The following DPP6 variants were observed in gnomAD, a reference collection of about 807,000 sequenced individuals.
DPP6 encodes A-type potassium channel modulatory protein DPP6.
In DPP6, 69 loss-of-function variants were observed where a neutral mutation model predicts 122.6. That is an observed-to-expected ratio of 0.56 (90% confidence interval 0.46 to 0.69). The LOEUF (loss-of-function observed/expected upper bound fraction) is 0.69, where lower values mean the gene tolerates loss of function less well. Ranked by LOEUF, DPP6 falls within the 30% of genes least tolerant of loss-of-function variation. DPP6 has a pLI of 0.00. For synonymous variants in DPP6, 418 were observed against 433.1 expected, an observed-to-expected ratio of 0.97 and a Z score of 0.43; for missense variants, 928 against 1,116.9, an observed-to-expected ratio of 0.83 and a Z score of 2.41.
At chr7:153,930,944 G>T (rs895259432) in intron 1 of DPP6, among the ~76,000 whole-genome samples, 2 of 152,164 alleles carry the variant, frequency 1.3e-5, no homozygotes, top group Non-Finnish European at 2.9e-5. Context: ...GCTTGTTTTA[G>T]AACAATGTGA....
chr7:154,638,036 A>G (rs1835840334), intron 6 of DPP6, among the ~76,000 whole-genome samples, 163 bp downstream of exon 6: 1 of 152,092 alleles, frequency 6.6e-6, no homozygotes, highest in Non-Finnish European at 1.5e-5. Flanking sequence ...CTAGATAATG[A>G]CACTAAGGAT....
At chr7:154,643,958 C>T (rs969182964) in intron 6 of DPP6, among the ~76,000 whole-genome samples, 27 of 152,140 alleles carry the variant, frequency 1.8e-4, no homozygotes, top group Non-Finnish European at 5.9e-5. Context: ...TTTGCATGAG[C>T]CAACACTTCC....
intron 7 of DPP6, among the ~76,000 whole-genome samples, chr7:154,718,239 A>G (rs1319424807): frequency 6.6e-6 from 1 of 151,954 alleles, no homozygotes; most frequent in Non-Finnish European, 1.5e-5. Context: ...TTGCTGTGTG[A>G]AGCTTTTTAG....
At chr7:153,856,859 G>A in the DPP6 span, among the ~76,000 whole-genome samples, 1 of 152,160 alleles carries the variant, frequency 6.6e-6, no homozygotes, top group Admixed American at 6.5e-5. Flanking sequence ...GGCTCCTTAA[G>A]AAGATCAATC....
rs568738858 is a variant in DPP6 at position 154,772,898 on chromosome 7, C to A, written c.1092C>A (p.Pro364=). The A allele has an allele frequency of 6.2e-7, 1 of 1,612,912 alleles. No homozygotes were observed. The change falls in exon 10 of 26, where the codon CCC becomes CCA. Residue 364 remains proline (P), a synonymous_variant. Transcript: ENST00000377770. Reference sequence around the variant, plus strand: ...TACACGTTATTGGCTTAAATGGACCCACCCATGATCTGGAGATGATGCCGC... The same window carrying A: ...TACACGTTATTGGCTTAAATGGACCAACCCATGATCTGGAGATGATGCCGC... The part of the protein sequence containing the change: ...ISLHVIGLNG[P]THDLEMMPPD...
At chr7:154,861,598 A>AATC (rs1174709398) in intron 17 of DPP6, among the ~76,000 whole-genome samples, 1 of 152,256 alleles carries the variant, frequency 6.6e-6, no homozygotes, top group African/African-American at 2.4e-5. Context: ...ATAAGGCCAT[A>AATC]ATCATTACTT....
chr7:153,788,227 G>A, the DPP6 span, among the ~76,000 whole-genome samples: 3 of 152,342 alleles, frequency 2.0e-5, no homozygotes, highest in Admixed American at 1.3e-4. Context: ...ATCCAGCCAT[G>A]TGCCAGAAAA....
rs1021532901 is a variant in DPP6, at chr7:154,398,041, A to G, written c.244-48173A>G. Among the ~76,000 whole-genome samples the G allele has an allele frequency of 3.3e-5, 5 of 152,228 alleles. No homozygotes were observed. The East Asian group carries it at 7.7e-4, about 23-fold the overall frequency. On this transcript the variant is annotated intron_variant, in intron 1 of 25. Coordinates refer to ENST00000377770, the MANE Select transcript of DPP6 (RefSeq NM_130797.4). ...CCACTGTGATGCCGTAAAATATGGC[A>G]GAATTCTGGGCATGGTAAAACTGTT...
intron 5 of DPP6, among the ~76,000 whole-genome samples, chr7:154,637,031 G>GTCTC (rs1835770970): frequency 6.6e-6 from 1 of 152,146 alleles, no homozygotes; most frequent in Admixed American, 6.5e-5. Flanking sequence ...GTTCGACAAG[G>GTCTC]TCTCTACCCA....
At chr7:154,344,133 CTCTCT>C (rs1320153706) in intron 1 of DPP6, among the ~76,000 whole-genome samples, 1 of 152,194 alleles carries the variant, frequency 6.6e-6, no homozygotes, top group African/African-American at 2.4e-5. Context: ...AAGCCTTTTC[CTCTCT>C]TATCTGCAGT....
chr7:154,496,142 T>A (rs191172322), intron 3 of DPP6, among the ~76,000 whole-genome samples: 1 of 152,322 alleles, frequency 6.6e-6, no homozygotes, highest in Admixed American at 6.5e-5. Flanking sequence ...TTCAAGGAGA[T>A]GCCTATGATA....
At chr7:154,719,132 C>T (rs546189350) in intron 7 of DPP6, among the ~76,000 whole-genome samples, 2 of 149,392 alleles carry the variant, frequency 1.3e-5, no homozygotes, top group East Asian at 3.9e-4. Context: ...TCGCTTATGA[C>T]TCCTTCTCTC....
chr7:154,323,850 G>A (rs573459243), intron 1 of DPP6, among the ~76,000 whole-genome samples: 5 of 152,302 alleles, frequency 3.3e-5, no homozygotes, highest in African/African-American at 9.6e-5. Context: ...GTTGCAGTTT[G>A]AAATAAATAA....
intron 8 of DPP6, among the ~76,000 whole-genome samples, chr7:154,767,136 G>A (rs922155614): frequency 1.3e-5 from 2 of 152,132 alleles, no homozygotes; most frequent in Admixed American, 1.3e-4. Flanking sequence ...GCAGCCAGCC[G>A]TTTTTCTGTT....
rs1586407616 is a variant in DPP6 at position 154,481,490 on chromosome 7, A to C, written c.457+6453A>C. 7.3e-6 allele frequency among the ~76,000 whole-genome samples: 1 copy of C among 137,694 alleles called. No individual in the cohort carries two copies. Among genetic ancestry groups the C allele is most frequent in the Non-Finnish European group, 1.6e-5 (1 of 63,746 alleles). The allele number at this position is 137,694 out of a possible 152,430, so 90.3% of individuals were successfully genotyped here. On this transcript the variant is annotated intron_variant, in intron 3 of 25. Coordinates refer to ENST00000377770, the MANE Select transcript of DPP6 (RefSeq NM_130797.4). The surrounding 1 kb of genome is among the most constrained non-coding windows in gnomAD (Gnocchi z 4.2). ...TCATCCTCCCCCAACCTCTTCACAGACCCCCCGCTGCCCACTGTGCGAGCA... is the reference window on the plus strand; with the variant it reads ...TCATCCTCCCCCAACCTCTTCACAGCCCCCCCGCTGCCCACTGTGCGAGCA...
chr7:154,834,476 C>G (rs1800881921), intron 16 of DPP6, among the ~76,000 whole-genome samples: 1 of 69,376 alleles, frequency 1.4e-5, no homozygotes, highest in Non-Finnish European at 3.3e-5. Context: ...AACTCCATCT[C>G]AAAGAAAAAC....
intron 13 of DPP6, 74 bp from the exon 14 acceptor site, chr7:154,803,790 A>G (rs1245688724): frequency 9.1e-6 from 14 of 1,542,490 alleles, no homozygotes; most frequent in African/African-American, 4.1e-5. Flanking sequence ...TGTCCAAAAC[A>G]GTTGGAGGAT....
chr7:154,373,364 T>A (rs549966443), intron 1 of DPP6, among the ~76,000 whole-genome samples: 6 of 152,338 alleles, frequency 3.9e-5, no homozygotes, highest in Admixed American at 3.3e-4. Flanking sequence ...TAGATCCCCA[T>A]GACTTTATGT....
chr7:153,780,185 A>G, the DPP6 span, among the ~76,000 whole-genome samples: 1 of 152,174 alleles, frequency 6.6e-6, no homozygotes, highest in African/African-American at 2.4e-5. Context: ...AAAAGAGAAC[A>G]GTGTCTTGCA....
Sources: gnomAD v4.1 joint callset for allele counts (sites outside exome capture counted in the v4.1 genomes callset) on GRCh38, gnomAD v4.1.1 for gene constraint, Gnocchi (gnomAD v3.1) non-coding constraint, MANE v1.5 for transcripts, NCBI Gene and HGNC (gene_info 2026-07-23, HGNC 2026-07-21) for gene names.